The following FHIT variants were observed in gnomAD, a reference collection of about 807,000 sequenced individuals.
FHIT encodes the protein fragile histidine triad diadenosine triphosphatase.
In FHIT, 19 loss-of-function variants were observed where a neutral mutation model predicts 17.9. That is an observed-to-expected ratio of 1.06 (90% CI 0.74 to 1.56). FHIT has a LOEUF of 1.56. Ranked by LOEUF, FHIT falls within the 40% of genes most tolerant of loss-of-function variation. The pLI is 0.00. For synonymous variants in FHIT, 81 were observed against 69.7 expected (o/e 1.16, Z -0.81); for missense variants, 248 against 189.2 (o/e 1.31, Z -1.82).
chr3:60,627,365 G>T (rs906006004), intron 4 of FHIT, among the ~76,000 whole-genome samples: 3 of 152,050 alleles, frequency 2.0e-5, no homozygotes, highest in Non-Finnish European at 2.9e-5. Flanking sequence ...GGTTATTCAG[G>T]CTTTATATTT....
intron 5 of FHIT, among the ~76,000 whole-genome samples, chr3:60,111,391 A>C (rs2107179565): frequency 6.6e-6 from 1 of 152,298 alleles, no homozygotes; most frequent in Non-Finnish European, 1.5e-5. Flanking sequence ...GGTGCAGTTA[A>C]AGAATAACAA....
chr3:60,872,583 A>T (rs1420973362), intron 3 of FHIT, among the ~76,000 whole-genome samples: 1 of 152,138 alleles, frequency 6.6e-6, no homozygotes, highest in Non-Finnish European at 1.5e-5. Context: ...TTGAACAGAA[A>T]ATTATGCCTC....
At chr3:59,751,995 C>CT in intron 9 of FHIT, 1 of 411,184 alleles carries the variant, frequency 2.4e-6, no homozygotes, top group Non-Finnish European at 4.3e-6. Flanking sequence ...GCTGGGGGCA[C>CT]TGGCTTGGAA....
chr3:60,726,424 A>G (rs536591863), intron 4 of FHIT, among the ~76,000 whole-genome samples: 58 of 152,338 alleles, frequency 3.8e-4, no homozygotes, highest in Non-Finnish European at 6.3e-4. Context: ...TCTATAGGGC[A>G]AAATTCAAGT....
chr3:60,001,419 C>G (rs986900180), intron 7 of FHIT, among the ~76,000 whole-genome samples: 1 of 152,138 alleles, frequency 6.6e-6, no homozygotes, highest in Non-Finnish European at 1.5e-5. Context: ...GTGACGATAT[C>G]TGGCACATAG....
At chr3:59,758,769 T>C (rs1475866980) in intron 8 of FHIT, among the ~76,000 whole-genome samples, 2 of 152,096 alleles carry the variant, frequency 1.3e-5, no homozygotes, top group Non-Finnish European at 2.9e-5. Flanking sequence ...ATTTTAAAAA[T>C]ATATGAAATG....
Position 60,626,668 on chromosome 3 carries a change from A to G in FHIT, c.-17-89689T>C, listed in dbSNP as rs186520090. On this transcript the variant is annotated intron_variant, in intron 4 of 9. Transcript: ENST00000492590. ...AATAAAGTTTTTCTTCTTTTCAAATATGAATGCAGTTTCTTTTTCTTGCCT... is the reference window on the plus strand; with the variant it reads ...AATAAAGTTTTTCTTCTTTTCAAATGTGAATGCAGTTTCTTTTTCTTGCCT... 2.9e-3 allele frequency among the ~76,000 whole-genome samples: 438 copies of G among 152,116 alleles called. 1 individual carries two copies. Among genetic ancestry groups the G allele is most frequent in the Non-Finnish European group, 3.5e-3 (235 of 67,980 alleles).
intron 3 of FHIT, among the ~76,000 whole-genome samples, chr3:60,997,416 C>A (rs552163261): frequency 6.6e-6 from 1 of 151,842 alleles, no homozygotes; most frequent in African/African-American, 2.4e-5. Context: ...TTTCTGACTT[C>A]TCTTAAAAAA....
At chr3:60,660,532 G>C (rs554583075) in intron 4 of FHIT, among the ~76,000 whole-genome samples, 27 of 152,122 alleles carry the variant, frequency 1.8e-4, no homozygotes, top group African/African-American at 6.5e-4. Context: ...AGTTACATCA[G>C]ACAGATTATG....
intron 5 of FHIT, among the ~76,000 whole-genome samples, chr3:60,262,870 C>G (rs1706375227): frequency 6.6e-6 from 1 of 151,338 alleles, no homozygotes; most frequent in Non-Finnish European, 1.5e-5. Context: ...AAAAAAAAGA[C>G]TTGGATTTGA....
chr3:61,211,414 T>C (rs1235535872), intron 1 of FHIT, among the ~76,000 whole-genome samples: 1 of 152,126 alleles, frequency 6.6e-6, no homozygotes, highest in Non-Finnish European at 1.5e-5. Context: ...AGCACAGCAG[T>C]CTGAGATCAA....
intron 3 of FHIT, among the ~76,000 whole-genome samples, chr3:60,839,500 C>G (rs1028163481): frequency 6.6e-6 from 1 of 152,152 alleles, no homozygotes; most frequent in African/African-American, 2.4e-5. Context: ...GATTCCCTGG[C>G]ATTTGTCAGT....
At chr3:60,966,923 T>C (rs1709771859) in intron 3 of FHIT, among the ~76,000 whole-genome samples, 1 of 152,196 alleles carries the variant, frequency 6.6e-6, no homozygotes, top group Non-Finnish European at 1.5e-5. Context: ...CTGATGCTTT[T>C]ATAGTTAGAG....
chr3:60,620,733 T>C (rs1443443397), intron 4 of FHIT, among the ~76,000 whole-genome samples: 1 of 152,152 alleles, frequency 6.6e-6, no homozygotes, highest in African/African-American at 2.4e-5. Flanking sequence ...AGTGGTTGCA[T>C]GTCATTCAAC....
chr3:60,440,168 T>C (rs765347254), intron 5 of FHIT, among the ~76,000 whole-genome samples: 3 of 152,084 alleles, frequency 2.0e-5, no homozygotes, highest in Non-Finnish European at 4.4e-5. Context: ...CTTGGAATGA[T>C]TTCAGGAACA....
intron 2 of FHIT, among the ~76,000 whole-genome samples, chr3:61,141,480 G>T (rs938219442): frequency 5.3e-5 from 8 of 152,152 alleles, no homozygotes; most frequent in Admixed American, 5.2e-4. Flanking sequence ...ATCAGATAAA[G>T]AAATTCTGTA....
chr3:61,179,123 T>C (rs1174351849), intron 2 of FHIT, among the ~76,000 whole-genome samples: 1 of 151,046 alleles, frequency 6.6e-6, no homozygotes, highest in Non-Finnish European at 1.5e-5. Context: ...AATTCTCCTG[T>C]CTCAGCCTCC....
intron 5 of FHIT, among the ~76,000 whole-genome samples, chr3:60,088,465 A>G (rs140925224): frequency 6.6e-6 from 1 of 152,316 alleles, no homozygotes; most frequent in Non-Finnish European, 1.5e-5. Context: ...ACCTTCATGC[A>G]TAAAGTGCTA....
At chr3:60,305,672 G>T (rs1708637795) in intron 5 of FHIT, among the ~76,000 whole-genome samples, 2 of 152,076 alleles carry the variant, frequency 1.3e-5, no homozygotes, top group African/African-American at 2.4e-5. Context: ...TACAGATGAG[G>T]TATTTACATA....
Sources: allele counts gnomAD v4.1 joint callset (sites outside exome capture counted in the v4.1 genomes callset), GRCh38; gene constraint gnomAD v4.1.1; transcripts MANE v1.5; gene names NCBI Gene and HGNC (gene_info 2026-07-23, HGNC 2026-07-21).